The following MAGI2 variants were observed in gnomAD, a reference collection of about 807,000 sequenced individuals.
The protein encoded by MAGI2 is membrane associated guanylate kinase, WW and PDZ domain containing 2, also known as membrane-associated guanylate kinase, WW and PDZ domain-containing protein 2.
A neutral mutation model predicts 133.3 loss-of-function variants in MAGI2; 35 were observed. That is an observed-to-expected ratio of 0.26 (90% CI 0.20 to 0.35). The LOEUF (loss-of-function observed/expected upper bound fraction) is 0.35. Ranked by LOEUF, MAGI2 falls within the 10% of genes least tolerant of loss-of-function variation. MAGI2 has a pLI of 1.00. For synonymous variants in MAGI2, 729 were observed against 710.6 expected (o/e 1.03, Z -0.41); for missense variants, 1,636 against 1,863.4 (o/e 0.88, Z 2.25).
At chr7:78,284,508 G>A (rs1323473778) in intron 9 of MAGI2, among the ~76,000 whole-genome samples, 2 of 150,002 alleles carry the variant, frequency 1.3e-5, no homozygotes, top group Admixed American at 1.3e-4. Flanking sequence ...AGCTGATCAC[G>A]CTGATTTGGC....
At chr7:79,244,766 A>G (rs1832700237) in intron 1 of MAGI2, among the ~76,000 whole-genome samples, 1 of 152,148 alleles carries the variant, frequency 6.6e-6, no homozygotes, top group African/African-American at 2.4e-5. Context: ...CTAGGAAAAC[A>G]CCAGCTGGGG....
chr7:78,176,378 C>A (rs141843677), intron 14 of MAGI2, among the ~76,000 whole-genome samples: 1 of 152,068 alleles, frequency 6.6e-6, no homozygotes, highest in African/African-American at 2.4e-5. Context: ...CCCAGGAATT[C>A]GGAAATAAGT....
At chr7:78,661,731 G>GT (rs1812981705) in intron 2 of MAGI2, among the ~76,000 whole-genome samples, 2 of 152,114 alleles carry the variant, frequency 1.3e-5, no homozygotes, top group Non-Finnish European at 2.9e-5. Context: ...TTCCTCATTT[G>GT]TAGCCTTCTG....
chr7:78,290,909 C>T (rs1019855011), intron 9 of MAGI2, among the ~76,000 whole-genome samples: 4 of 152,098 alleles, frequency 2.6e-5, no homozygotes, highest in Non-Finnish European at 5.9e-5. Context: ...ACACAACATA[C>T]CAGAATCTCT....
At chr7:78,607,512 AAAGAG>A (rs1805954645) in intron 3 of MAGI2, among the ~76,000 whole-genome samples, 1 of 151,902 alleles carries the variant, frequency 6.6e-6, no homozygotes, top group African/African-American at 2.4e-5. Flanking sequence ...AAAAAAAAAA[AAAGAG>A]AGTCTCTGTA....
chr7:78,597,950 C>T (rs1208205228), intron 3 of MAGI2, among the ~76,000 whole-genome samples: 1 of 151,882 alleles, frequency 6.6e-6, no homozygotes, highest in Middle Eastern at 3.2e-3. Context: ...TGACATTCTT[C>T]ATTTTGTAAT....
intron 1 of MAGI2, among the ~76,000 whole-genome samples, chr7:79,213,373 G>A (rs945716847): frequency 2.0e-5 from 3 of 151,046 alleles, no homozygotes; most frequent in African/African-American, 4.9e-5. Context: ...TTTTTGAGAT[G>A]GAGAATCACT....
chr7:78,377,241 A>G (rs747851002), intron 6 of MAGI2, among the ~76,000 whole-genome samples: 1 of 152,118 alleles, frequency 6.6e-6, no homozygotes, highest in Non-Finnish European at 1.5e-5. Context: ...TATGAACTTC[A>G]AAAGTTATAT....
At chr7:79,449,604 A>C (rs2129206198) in intron 1 of MAGI2, among the ~76,000 whole-genome samples, 1 of 152,038 alleles carries the variant, frequency 6.6e-6, no homozygotes, top group East Asian at 1.9e-4. Context: ...ACTTTCTTCA[A>C]CTGGGTCTGA....
rs59388508 is a variant in MAGI2, at chr7:79,378,926, G to GTATA, written c.301+74090_301+74093dup. On this transcript the variant is annotated intron_variant, in intron 1 of 21. Coordinates refer to ENST00000354212, the MANE Select transcript of MAGI2 (RefSeq NM_012301.4). The stretch of plus-strand genomic sequence containing the variant: ...CTTTTATATATATATATGTGTGTGT[G>GTATA]TATATATATATATATATATATATAT... Among the ~76,000 whole-genome samples the GTATA allele has an allele frequency of 7.4e-3, 696 of 93,658 alleles. 3 individuals carry two copies. Among genetic ancestry groups the GTATA allele is most frequent in the Middle Eastern group, 0.013 (2 of 154 alleles). 61.4% of individuals were successfully genotyped at this position (93,658 alleles called of 152,430 possible). A position where few individuals can be genotyped will look rare whatever the true frequency, so the allele number is the denominator to read the frequency against.
chr7:78,370,141 G>A (rs1793776583), intron 6 of MAGI2, among the ~76,000 whole-genome samples: 1 of 151,954 alleles, frequency 6.6e-6, no homozygotes, highest in South Asian at 2.1e-4. Flanking sequence ...GTTATCAAAA[G>A]AAAACTGGAA....
intron 1 of MAGI2, among the ~76,000 whole-genome samples, chr7:79,244,750 T>A (rs1229933481): frequency 6.6e-6 from 1 of 152,152 alleles, no homozygotes; most frequent in East Asian, 1.9e-4. Flanking sequence ...TTGGGGGACA[T>A]GTGACCTAGG....
intron 12 of MAGI2, among the ~76,000 whole-genome samples, chr7:78,192,466 A>G (rs1265027077): frequency 2.6e-5 from 4 of 151,674 alleles, no homozygotes; most frequent in Non-Finnish European, 5.9e-5. Flanking sequence ...TGCTTTAAAC[A>G]TTTACATGAG....
At chr7:78,739,139 C>T (rs1822151508) in intron 2 of MAGI2, among the ~76,000 whole-genome samples, 1 of 151,968 alleles carries the variant, frequency 6.6e-6, no homozygotes, top group Admixed American at 6.6e-5. Flanking sequence ...CTTTTTTCCC[C>T]CTCAGTGAAT....
chr7:79,320,828 G>T (rs1839129892), intron 1 of MAGI2, among the ~76,000 whole-genome samples: 2 of 152,056 alleles, frequency 1.3e-5, no homozygotes, highest in African/African-American at 4.8e-5. Context: ...CAAAGTTACT[G>T]CTGGATTCAT....
At chr7:78,929,503 T>C (rs1003443223) in intron 2 of MAGI2, among the ~76,000 whole-genome samples, 2 of 151,338 alleles carry the variant, frequency 1.3e-5, no homozygotes, top group African/African-American at 4.8e-5. Context: ...TCAGCAGGAG[T>C]GGTTATTTTG....
rs1404673981 is a variant in MAGI2, at chr7:79,228,974, G to A, written c.302-221768C>T. On this transcript the variant is annotated intron_variant, in intron 1 of 21. Coordinates refer to ENST00000354212, the MANE Select transcript of MAGI2 (RefSeq NM_012301.4). ...ATTTAAAAGCCTTGGCAATGAATGCGAATTTTATTAGCCCATGTGGATTAA... is the reference window on the plus strand; with the variant it reads ...ATTTAAAAGCCTTGGCAATGAATGCAAATTTTATTAGCCCATGTGGATTAA... Among the ~76,000 whole-genome samples the A allele has an allele frequency of 5.3e-5, 8 of 152,182 alleles. No individual in the cohort carries two copies. The East Asian group carries it at 9.7e-4, about 18-fold the overall frequency.
intron 1 of MAGI2, among the ~76,000 whole-genome samples, chr7:79,061,651 CA>C (rs1813751482): frequency 6.6e-6 from 1 of 151,980 alleles, no homozygotes; most frequent in Non-Finnish European, 1.5e-5. Flanking sequence ...TTAGGGGTGG[CA>C]AATAAGTTCT....
At chr7:78,346,890 T>C (rs1372504724) in intron 7 of MAGI2, among the ~76,000 whole-genome samples, 2 of 152,124 alleles carry the variant, frequency 1.3e-5, no homozygotes, top group Admixed American at 6.5e-5. Context: ...CAGGCAAGCA[T>C]GAAGAGGAGA....
Sources: allele counts gnomAD v4.1 joint callset (sites outside exome capture counted in the v4.1 genomes callset), GRCh38; gene constraint gnomAD v4.1.1; transcripts MANE v1.5; gene names NCBI Gene and HGNC (gene_info 2026-07-23, HGNC 2026-07-21).